The following AGMO variants were observed in gnomAD, a reference collection of about 807,000 sequenced individuals.
AGMO encodes the protein glyceryl-ether monooxygenase.
Under a neutral mutation model 60.2 loss-of-function variants are expected in AGMO, and 75 were observed. That is an observed-to-expected ratio of 1.25 (90% CI 1.03 to 1.51). The LOEUF (loss-of-function observed/expected upper bound fraction) is 1.51, where lower values mean the gene tolerates loss of function less well. AGMO is among the 40% of genes most tolerant of loss of function. The pLI is 0.00. For synonymous variants in AGMO, 261 were observed against 177.1 expected (o/e 1.47, Z -3.76); for missense variants, 763 against 525.5 (o/e 1.45, Z -4.42).
chr7:15,486,681 C>A (rs1201502043), intron 3 of AGMO, among the ~76,000 whole-genome samples: 1 of 152,068 alleles, frequency 6.6e-6, no homozygotes. Flanking sequence ...TATTTTATTT[C>A]CATGGCAAAT....
downstream of AGMO, among the ~76,000 whole-genome samples, chr7:15,198,661 G>T (rs1266062783): frequency 6.6e-6 from 1 of 152,088 alleles, no homozygotes; most frequent in Non-Finnish European, 1.5e-5. Context: ...TGGTGGGTAG[G>T]GGGCCAGGGA....
intron 12 of AGMO, among the ~76,000 whole-genome samples, chr7:15,213,568 A>T (rs1307877995): frequency 1.3e-5 from 2 of 151,926 alleles, no homozygotes; most frequent in Non-Finnish European, 2.9e-5. Flanking sequence ...CAGTAAAAAA[A>T]CCCTGAAAAA....
chr7:15,368,414 A>AG (rs1347378672), intron 10 of AGMO, among the ~76,000 whole-genome samples: 2 of 152,122 alleles, frequency 1.3e-5, no homozygotes, highest in Non-Finnish European at 2.9e-5. Context: ...TTTACATATA[A>AG]GGGAGAAATG....
chr7:15,539,096 C>T (rs992219156), intron 3 of AGMO, among the ~76,000 whole-genome samples: 3 of 151,890 alleles, frequency 2.0e-5, no homozygotes, highest in Non-Finnish European at 4.4e-5. Flanking sequence ...AAAGGTGCAA[C>T]TGGGTAAATT....
rs376010874 is a variant in AGMO, at chr7:15,561,837, G to A, written c.9C>T (p.Asn3=). 66 of 1,603,960 alleles carry A rather than the reference G, an allele frequency of 4.1e-5. No homozygotes were observed. The highest frequency in any genetic ancestry group is 1.7e-4 in the Middle Eastern group (1 of 6,020). MK[N]PEAQQDVSVS... Reference sequence around the variant, plus strand: ...CTGAAACATCCTGCTGGGCTTCTGGGTTCTTCATTTCTGCCCTTGTCTGAT... The same window carrying A: ...CTGAAACATCCTGCTGGGCTTCTGGATTCTTCATTTCTGCCCTTGTCTGAT... The change falls in exon 1 of 13, where the codon AAC becomes AAT. Residue 3 remains asparagine (N), a synonymous_variant. Transcript: ENST00000342526.
At chr7:15,130,525 CA>C in the AGMO span, among the ~76,000 whole-genome samples, 1 of 151,944 alleles carries the variant, frequency 6.6e-6, no homozygotes, top group Middle Eastern at 3.2e-3. Flanking sequence ...TACGATATTT[CA>C]CAAAAAGGTT....
chr7:15,138,790 TAATAA>T, the AGMO span, among the ~76,000 whole-genome samples: 1 of 152,182 alleles, frequency 6.6e-6, no homozygotes, highest in Admixed American at 6.6e-5. Context: ...AGCCTTTACA[TAATAA>T]AATAAATGTA....
At chr7:15,260,296 A>T (rs931937269) in intron 12 of AGMO, among the ~76,000 whole-genome samples, 1 of 151,986 alleles carries the variant, frequency 6.6e-6, no homozygotes, top group African/African-American at 2.4e-5. Context: ...TCACTTACAT[A>T]AACTTAAGAG....
intron 2 of AGMO, among the ~76,000 whole-genome samples, chr7:15,559,719 G>T (rs1232421876): frequency 6.6e-6 from 1 of 152,004 alleles, no homozygotes; most frequent in South Asian, 2.1e-4. Context: ...TGCAAACGGG[G>T]TTGTACTAGA....
chr7:15,266,634 C>G (rs1563061235), intron 12 of AGMO, among the ~76,000 whole-genome samples: 1 of 151,846 alleles, frequency 6.6e-6, no homozygotes, highest in Non-Finnish European at 1.5e-5. Flanking sequence ...CTAGTAAAGG[C>G]TGAGAGGGAG....
chr7:15,448,735 A>G (rs528818534), intron 3 of AGMO, among the ~76,000 whole-genome samples: 1 of 152,180 alleles, frequency 6.6e-6, no homozygotes, highest in African/African-American at 2.4e-5. Context: ...TTTCTAAAAG[A>G]TGGAAGAAAG....
chr7:15,125,506 C>G, the AGMO span, among the ~76,000 whole-genome samples: 2 of 152,034 alleles, frequency 1.3e-5, no homozygotes, highest in African/African-American at 4.8e-5. Context: ...TATGCCTCTG[C>G]CTCATCTACA....
At chr7:15,559,622 T>A (rs546346185) in intron 2 of AGMO, among the ~76,000 whole-genome samples, 7 of 152,226 alleles carry the variant, frequency 4.6e-5, no homozygotes, top group African/African-American at 1.7e-4. Flanking sequence ...TCTCTATAGT[T>A]CAAGACAGGG....
rs1782455137 is a variant in AGMO at position 15,471,754 on chromosome 7, G to A, written c.410-40646C>T. Among the ~76,000 whole-genome samples the A allele has an allele frequency of 2.0e-5, 3 of 151,928 alleles. No homozygotes were observed. The South Asian group carries it at 6.2e-4, about 31-fold the overall frequency. ...TGACCAGATAATGTTTCACCTGTGA[G>A]TGGGGATCTTGACTGCAATTTAAAA... On this transcript the variant is annotated intron_variant, in intron 3 of 12. Transcript: ENST00000342526.
the AGMO span, among the ~76,000 whole-genome samples, chr7:15,165,462 T>C: frequency 2.0e-5 from 3 of 152,188 alleles, no homozygotes; most frequent in Admixed American, 2.0e-4. Context: ...GGTAACTTAA[T>C]ATGGTAAAAC....
chr7:15,480,706 A>G (rs768318579), intron 3 of AGMO, among the ~76,000 whole-genome samples: 2 of 152,134 alleles, frequency 1.3e-5, no homozygotes, highest in Non-Finnish European at 2.9e-5. Flanking sequence ...AGAAAATTTT[A>G]TAGTTTGGAT....
the AGMO span, among the ~76,000 whole-genome samples, chr7:15,135,012 A>G: frequency 6.6e-6 from 1 of 152,036 alleles, no homozygotes; most frequent in African/African-American, 2.4e-5. Context: ...CTAAATTACT[A>G]TCCATCTGAT....
chr7:15,444,124 C>T (rs1230848539), intron 3 of AGMO, among the ~76,000 whole-genome samples: 3 of 152,008 alleles, frequency 2.0e-5, no homozygotes, highest in East Asian at 1.9e-4. Context: ...CAGCATCTAC[C>T]GTTGTTTTTT....
chr7:15,259,898 G>GAAAAAAAA (rs1783215638), intron 12 of AGMO, among the ~76,000 whole-genome samples: 1 of 8,426 alleles, frequency 1.2e-4, no homozygotes, highest in African/African-American at 7.9e-4. Context: ...TACAAGAACT[G>GAAAAAAAA]CAAAAAAAAA....
Sources: gnomAD v4.1 joint callset for allele counts (sites outside exome capture counted in the v4.1 genomes callset) on GRCh38, gnomAD v4.1.1 for gene constraint, MANE v1.5 for transcripts, NCBI Gene and HGNC (gene_info 2026-07-23, HGNC 2026-07-21) for gene names.